LINGO2: variants seen among roughly 807,000 people sequenced by gnomAD.
LINGO2 encodes the protein leucine rich repeat and Ig domain containing 2, also known as leucine-rich repeat and immunoglobulin-like domain-containing nogo receptor-interacting protein 2.
Under a neutral mutation model 30.6 loss-of-function variants are expected in LINGO2, and 14 were observed. The observed-to-expected ratio is 0.46, with a 90% CI of 0.30 to 0.72. The LOEUF is 0.72. Among genes scored for constraint, LINGO2 ranks in the 30% least tolerant of loss-of-function variants. The pLI, the probability that LINGO2 is intolerant of heterozygous loss-of-function variation, is 0.07. For synonymous variants in LINGO2, 317 were observed against 288.5 expected (o/e 1.10, Z -1.00); for missense variants, 729 against 751.7 (o/e 0.97, Z 0.35).
intron 3 of LINGO2, among the ~76,000 whole-genome samples, chr9:28,354,397 A>T (rs972665808): frequency 6.6e-6 from 1 of 152,222 alleles, no homozygotes; most frequent in Non-Finnish European, 1.5e-5. Flanking sequence ...AAAACTTCAC[A>T]AAATCCTACC....
chr9:27,946,694 TAG>T (rs1041128729), downstream of LINGO2, among the ~76,000 whole-genome samples: 1 of 152,162 alleles, frequency 6.6e-6, no homozygotes, highest in Non-Finnish European at 1.5e-5. Context: ...GGATTTGTGA[TAG>T]AGTTTGCAGC....
chr9:29,156,771 T>C, the LINGO2 span, among the ~76,000 whole-genome samples: 1 of 152,080 alleles, frequency 6.6e-6, no homozygotes, highest in Admixed American at 6.5e-5. Flanking sequence ...TTGTAGGAAA[T>C]TCACTCATCC....
chr9:28,748,507 C>T, the LINGO2 span, among the ~76,000 whole-genome samples: 1 of 152,008 alleles, frequency 6.6e-6, no homozygotes, highest in Admixed American at 6.5e-5. Flanking sequence ...TACTAAAACA[C>T]TGTTTTTGTT....
At chr9:28,247,906 A>G (rs140796424) in intron 4 of LINGO2, among the ~76,000 whole-genome samples, 97 of 152,262 alleles carry the variant, frequency 6.4e-4, no homozygotes, top group African/African-American at 2.1e-3. Context: ...ACTATAATAA[A>G]ATATCATCTC....
At chr9:28,211,606 T>C (rs1820594400) in intron 4 of LINGO2, among the ~76,000 whole-genome samples, 2 of 151,522 alleles carry the variant, frequency 1.3e-5, no homozygotes, top group Admixed American at 1.3e-4. Context: ...TAAAAAGTTA[T>C]ATCTTCTGCA....
chr9:28,741,331 C>T, the LINGO2 span, among the ~76,000 whole-genome samples: 1 of 151,912 alleles, frequency 6.6e-6, no homozygotes, highest in African/African-American at 2.4e-5. Flanking sequence ...TGTGGGCTGA[C>T]CTTGCTTGGG....
chr9:28,087,096 A>T (rs1272675421), intron 4 of LINGO2, among the ~76,000 whole-genome samples: 1 of 152,098 alleles, frequency 6.6e-6, no homozygotes, highest in African/African-American at 2.4e-5. Flanking sequence ...TTTTGAAGAA[A>T]AGAAAGCATA....
the LINGO2 span, among the ~76,000 whole-genome samples, chr9:28,877,206 G>C: frequency 6.6e-6 from 1 of 151,296 alleles, no homozygotes; most frequent in Admixed American, 6.6e-5. Context: ...TAGGTTGCCT[G>C]TTCACTCTGA....
chr9:28,653,278 ACTGTACCACCTGGAGCTAGGGG>A (rs1828190662), intron 1 of LINGO2, among the ~76,000 whole-genome samples: 1 of 152,100 alleles, frequency 6.6e-6, no homozygotes, highest in African/African-American at 2.4e-5. Context: ...TAATTTTGTG[ACTGTACCACCTGGAGCTAGGGG>A]CCTCTTCAGT....
intron 1 of LINGO2, among the ~76,000 whole-genome samples, chr9:28,544,461 G>A (rs971763814): frequency 2.0e-5 from 3 of 151,934 alleles, no homozygotes; most frequent in African/African-American, 4.8e-5. Flanking sequence ...CAGGTACACC[G>A]AACCCTCTCT....
At chr9:28,041,330 A>G (rs1563936668) in intron 4 of LINGO2, among the ~76,000 whole-genome samples, 2 of 152,178 alleles carry the variant, frequency 1.3e-5, no homozygotes, top group Non-Finnish European at 2.9e-5. Flanking sequence ...AGTGCAGTAG[A>G]TAGACTGGCT....
chr9:28,250,744 C>CAGGG (rs1487710364), intron 4 of LINGO2, among the ~76,000 whole-genome samples: 2 of 152,214 alleles, frequency 1.3e-5, no homozygotes, highest in Admixed American at 1.3e-4. Flanking sequence ...ATGCCAGCCA[C>CAGGG]AGGGACAGCT....
At chr9:28,488,645 G>GT (rs930135356) in intron 1 of LINGO2, among the ~76,000 whole-genome samples, 1 of 152,086 alleles carries the variant, frequency 6.6e-6, no homozygotes, top group Non-Finnish European at 1.5e-5. Flanking sequence ...AATCAAAGGA[G>GT]TTTTTTTGTG....
At chr9:27,950,191 C>A in exon 6 of LINGO2, 2 of 1,614,018 alleles carry the variant, frequency 1.2e-6, no homozygotes, top group Non-Finnish European at 8.5e-7. Context: ...TCATTGTCCC[C>A]CACTTCTAGA....
chr9:28,670,230 T>G lies in LINGO2; in HGVS notation c.-395A>C, dbSNP rs573634728. The G allele has an allele frequency of 4.6e-5, 7 of 152,098 alleles. No individual in the cohort carries two copies. The highest frequency in any genetic ancestry group is 2.0e-4 in the Admixed American group (3 of 15,268). 9.4% of individuals were successfully genotyped at this position (152,098 alleles called of 1,614,324 possible). A position where few individuals can be genotyped will look rare whatever the true frequency, so the allele number is the denominator to read the frequency against. ...GTGATTAAAAATCCACTGGACACTT[T>G]AGAAGTGCAGGCAGCTCATGATACA... is the stretch of plus-strand genomic sequence containing the variant. On this transcript the variant is annotated 5_prime_UTR_variant, in exon 1 of 6. The change abolishes the stop of an existing upstream ORF in the 5' untranslated region. Coordinates refer to ENST00000379992, the Ensembl canonical transcript of LINGO2.
chr9:29,019,829 T>C, the LINGO2 span, among the ~76,000 whole-genome samples: 22,624 of 152,156 alleles, frequency 0.15, 2,062 homozygotes, highest in South Asian at 0.2. Flanking sequence ...TTCTATTCCA[T>C]TCCTTATGAG....
rs1331438708 is a variant in LINGO2 at position 28,615,264 on chromosome 9, C to G, written c.-365+54936G>C. On this transcript the variant is annotated intron_variant, in intron 1 of 5. Transcript: ENST00000379992. The stretch of plus-strand genomic sequence containing the variant: ...TGGATAATTCAATGATATGTACACT[C>G]TAAATATTCACTTAATATGTTCAAG... 2.0e-5 allele frequency among the ~76,000 whole-genome samples: 3 copies of G among 152,110 alleles called. No homozygotes were observed. The East Asian group carries it at 5.8e-4, about 29-fold the overall frequency.
chr9:29,189,912 T>C, the LINGO2 span, among the ~76,000 whole-genome samples: 1,178 of 151,348 alleles, frequency 7.8e-3, 50 homozygotes, highest in African/African-American at 0.027. Flanking sequence ...CTCAGCAGGC[T>C]GAGGCAGGAG....
intron 4 of LINGO2, among the ~76,000 whole-genome samples, chr9:28,194,870 C>T (rs940955992): frequency 2.0e-5 from 3 of 152,000 alleles, no homozygotes; most frequent in Admixed American, 1.3e-4. Flanking sequence ...AAAGATCTAA[C>T]AATTACTCAT....
Sources: allele counts gnomAD v4.1 joint callset (sites outside exome capture counted in the v4.1 genomes callset), GRCh38; gene constraint gnomAD v4.1.1; transcripts MANE v1.5; gene names NCBI Gene and HGNC (gene_info 2026-07-23, HGNC 2026-07-21).